Variants in E2F1 observed in about 807,000 individuals in gnomAD.
E2F1 encodes the protein transcription factor E2F1.
E2F1 carries 7 observed loss-of-function variants against 36.9 expected under a neutral mutation model. That is an observed-to-expected ratio of 0.19 (90% CI 0.11 to 0.36). The LOEUF (loss-of-function observed/expected upper bound fraction) is 0.36, where lower values mean the gene tolerates loss of function less well. Ranked by LOEUF, E2F1 falls within the 10% of genes least tolerant of loss-of-function variation. The probability of loss-of-function intolerance (pLI) is 1.00; values close to 1 mark genes in which losing one functional copy is unlikely to be tolerated. For synonymous variants in E2F1, 261 were observed against 263.1 expected, an observed-to-expected ratio of 0.99 and a Z score of 0.08; for missense variants, 406 against 573.6, an observed-to-expected ratio of 0.71 and a Z score of 2.99.
At chr20:33,682,137 T>C (rs1397470720) in intron 1 of E2F1, among the ~76,000 whole-genome samples, 1 of 152,196 alleles carries the variant, frequency 6.6e-6, no homozygotes, top group Non-Finnish European at 1.5e-5. Context: ...TGCAGATGTA[T>C]CTATCTCACC....
At chr20:33,677,395 C>T in intron 5 of E2F1, 31 bp downstream of exon 5, 1 of 1,611,222 alleles carries the variant, frequency 6.2e-7, no homozygotes, top group South Asian at 1.1e-5. Flanking sequence ...CCCAGCCCAG[C>T]CCAGTTGGGC....
Position 33,677,199 on chromosome 20 carries a change from G to A in E2F1, c.972C>T (p.Ala324=). The A allele has an allele frequency of 6.2e-7, 1 of 1,614,174 alleles. No homozygotes were observed. The highest frequency in any genetic ancestry group is 8.5e-7 in the Non-Finnish European group (1 of 1,180,008). Residue 324 remains alanine, a synonymous_variant, in exon 6 of 7, where the codon GCC becomes GCT. Coordinates refer to ENST00000343380, the MANE Select transcript of E2F1 (RefSeq NM_005225.3). Reference sequence around the variant, plus strand: ...GTGACACTATGGTGGCAGAGTCAGTGGCCCTGTTCTCCTCCTCAGAAGTGA... The same window carrying A: ...GTGACACTATGGTGGCAGAGTCAGTAGCCCTGTTCTCCTCCTCAGAAGTGA... ...QEVTSEEENR[A]TDSATIVSPP... is the part of the protein sequence containing the mutation.
rs2017946944 is a variant in E2F1, at chr20:33,676,021, C to T, written c.*711G>A. The stretch of plus-strand genomic sequence containing the variant: ...CTCACTTTCCCAATAAATAAATCAC[C>T]CAGGCCTCAGTTCCTTCAGTATGGG... On this transcript the variant is annotated 3_prime_UTR_variant, in exon 7 of 7. Coordinates refer to ENST00000343380, the MANE Select transcript of E2F1 (RefSeq NM_005225.3). 6.6e-6 allele frequency: 1 copy of T among 152,632 alleles called. No individual in the cohort carries two copies. 9.5% of individuals were successfully genotyped at this position (152,632 alleles called of 1,614,324 possible).
chr20:33,685,764 G>A (rs1444218690), intron 1 of E2F1, among the ~76,000 whole-genome samples: 1 of 152,206 alleles, frequency 6.6e-6, no homozygotes, highest in Non-Finnish European at 1.5e-5. Context: ...ACGCTGGGGA[G>A]GCTCCGGTGA....
chr20:33,679,196 G>A lies in E2F1; in HGVS notation c.572+559C>T, dbSNP rs2017996442. On this transcript the variant is annotated intron_variant, in intron 3 of 6. Transcript: ENST00000343380. This position sits in a 1 kb window ranked among gnomAD's most constrained non-coding sequence, Gnocchi z 4.6. ...AAAGGGGCACAAGAGAACCTTCTAG[G>A]GTGTTGAAAATGCTCTTATCTTGAT... Among the ~76,000 whole-genome samples, 1 of 152,204 alleles carries A rather than the reference G, an allele frequency of 6.6e-6. No individual in the cohort carries two copies. Among genetic ancestry groups the A allele is most frequent in the African/African-American group, 2.4e-5 (1 of 41,442 alleles).
At position 33,676,949 on chromosome 20, in the gene E2F1, C is replaced by T. The variant is rs755713339; in HGVS notation, c.1097G>A (p.Arg366Gln). 2.8e-5 allele frequency: 43 copies of T among 1,563,038 alleles called. No individual in the cohort carries two copies. The South Asian group carries it at 3.4e-4, about 12-fold the overall frequency. ...CAGGCGGTCCTCGTCCACGGGAGCC[C>T]GCAGGCTGCCCATCCGGGACAACAG... Reference protein sequence around the residue: ...EPLLSRMGSLRAPVDEDRLSP... With the variant: ...EPLLSRMGSLQAPVDEDRLSP... The change falls in exon 7 of 7, where the codon CGG becomes CAG. Residue 366 changes from arginine to glutamine, a missense_variant. Transcript: ENST00000343380.
At chr20:33,677,006 CG>C in intron 6 of E2F1, 27 bp from the exon 7 acceptor site, 1 of 1,557,278 alleles carries the variant, frequency 6.4e-7, no homozygotes, top group Non-Finnish European at 8.7e-7. Flanking sequence ...CATCACAGGC[CG>C]GGGATGCCCC....
chr20:33,676,560 C>T lies in E2F1; in HGVS notation c.*172G>A. 1 of 981,516 alleles carries T rather than the reference C, an allele frequency of 1.0e-6. No homozygotes were observed. The highest frequency in any genetic ancestry group is 1.4e-6 in the Non-Finnish European group (1 of 694,354). The allele number at this position is 981,516 out of a possible 1,614,324, so 60.8% of individuals were successfully genotyped here. ...ACAGACTCCTTCCCTTCCTGGCTTG[C>T]TCAGCCTCCTAGCGGTAGCCAGACC... is the stretch of plus-strand genomic sequence containing the variant. On this transcript the variant is annotated 3_prime_UTR_variant, in exon 7 of 7. Coordinates refer to ENST00000343380, the MANE Select transcript of E2F1 (RefSeq NM_005225.3).
At chr20:33,684,628 G>A (rs748259763) in intron 1 of E2F1, among the ~76,000 whole-genome samples, 2 of 152,178 alleles carry the variant, frequency 1.3e-5, no homozygotes, top group Non-Finnish European at 1.5e-5. Flanking sequence ...GGGGTTAAAT[G>A]AGTTAATTAA....
intron 1 of E2F1, among the ~76,000 whole-genome samples, chr20:33,682,787 C>T (rs2018029601): frequency 6.6e-6 from 1 of 152,210 alleles, no homozygotes. Context: ...CTTTGTTTAG[C>T]CCCTTGAACA....
At chr20:33,685,898 A>G in intron 1 of E2F1, 106 bp downstream of exon 1, 1 of 1,005,054 alleles carries the variant, frequency 9.9e-7, no homozygotes. Flanking sequence ...GCCTCAGTCA[A>G]CCCCTCCCCC....
chr20:33,676,702 C>T lies in E2F1; in HGVS notation c.*30G>A, dbSNP rs1264123832. On this transcript the variant is annotated 3_prime_UTR_variant, in exon 7 of 7. Coordinates refer to ENST00000343380, the MANE Select transcript of E2F1 (RefSeq NM_005225.3). The stretch of plus-strand genomic sequence containing the variant: ...AGGGCTGCAGAGACAAGGTGAGCAT[C>T]TCTGGAAACCCTGGTCCCTCCAAGC... The T allele has an allele frequency of 6.4e-7, 1 of 1,572,164 alleles. No homozygotes were observed. The highest frequency in any genetic ancestry group is 1.4e-5 in the African/African-American group (1 of 73,648).
Position 33,676,980 on chromosome 20 carries a change from C to A in E2F1, c.1067-1G>T. The A allele has an allele frequency of 6.4e-7, 1 of 1,563,322 alleles. No individual in the cohort carries two copies. The highest frequency in any genetic ancestry group is 1.8e-5 in the Admixed American group (1 of 54,246). ...CTGCCCATCCGGGACAACAGCGGTTCTGGGGAGACGGGGAGCATCACAGGC... is the reference window on the plus strand; with the variant it reads ...CTGCCCATCCGGGACAACAGCGGTTATGGGGAGACGGGGAGCATCACAGGC... On this transcript the variant is annotated splice_acceptor_variant, in intron 6 of 6. Coordinates refer to ENST00000343380, the MANE Select transcript of E2F1 (RefSeq NM_005225.3). LOFTEE classifies it high-confidence loss of function.
chr20:33,683,913 C>T (rs944164135), intron 1 of E2F1, among the ~76,000 whole-genome samples: 2 of 152,182 alleles, frequency 1.3e-5, no homozygotes, highest in Non-Finnish European at 2.9e-5. Context: ...ATACAGAATG[C>T]CTGCTGGTAT....
chr20:33,678,941 A>C (rs1261732479), intron 3 of E2F1, among the ~76,000 whole-genome samples: 5 of 152,280 alleles, frequency 3.3e-5, no homozygotes. Context: ...ACCCTGTCTC[A>C]AACCACCCCC....
rs2018003251 is a variant in E2F1 at position 33,679,956 on chromosome 20, T to TC, written c.370dup (p.Glu124GlyfsTer6). On this transcript the variant is annotated frameshift_variant, in exon 3 of 7. Coordinates refer to ENST00000343380, the MANE Select transcript of E2F1 (RefSeq NM_005225.3). LOFTEE classifies it high-confidence loss of function. The surrounding 1 kb of genome is among the most constrained non-coding windows in gnomAD (Gnocchi z 4.6). ...CAGTGAGGTCTCATAGCGTGACTTCTCCCCCGGGGATTTCACACCTGTGGG... is the reference window on the plus strand; with the variant it reads ...CAGTGAGGTCTCATAGCGTGACTTCTCCCCCCGGGGATTTCACACCTGTGGG... 6.2e-7 allele frequency: 1 copy of TC among 1,613,828 alleles called. No homozygotes were observed. Among genetic ancestry groups the TC allele is most frequent in the Non-Finnish European group, 8.5e-7 (1 of 1,179,872 alleles).
In E2F1 at chr20:33,686,172, C is replaced by G; in HGVS notation, c.93G>C (p.Ser31=). 1 of 1,052,582 alleles carries G rather than the reference C, an allele frequency of 9.5e-7. No homozygotes were observed. Among genetic ancestry groups the G allele is most frequent in the Non-Finnish European group, 1.1e-6 (1 of 874,678 alleles). 65.2% of individuals were successfully genotyped at this position (1,052,582 alleles called of 1,614,324 possible). The change falls in exon 1 of 7, where the codon TCG becomes TCC. Residue 31 remains serine, a synonymous_variant. Transcript: ENST00000343380. ...GCGCGGCGGAGATGATGACGATCTG[C>G]GAGGAGTCGAGCAGCCGCAGCGCGC... is the stretch of plus-strand genomic sequence containing the variant. ...GAGALRLLDS[S]QIVIISAAQD...
At chr20:33,682,914 A>G (rs547983625) in intron 1 of E2F1, among the ~76,000 whole-genome samples, 1 of 152,348 alleles carries the variant, frequency 6.6e-6, no homozygotes, top group South Asian at 2.1e-4. Context: ...TAAAAAGCTC[A>G]TGAAACTTTT....
In E2F1 at chr20:33,679,109, C is replaced by T. The variant is rs1034575993; in HGVS notation, c.572+646G>A. On this transcript the variant is annotated intron_variant, in intron 3 of 6. Coordinates refer to ENST00000343380, the MANE Select transcript of E2F1 (RefSeq NM_005225.3). This position sits in a 1 kb window ranked among gnomAD's most constrained non-coding sequence, Gnocchi z 4.6. ...AAATATCTATGCCAGACAGATCTCA[C>T]CGAGGGCATGAGAAGCCAGGATAGT... 2.6e-5 allele frequency among the ~76,000 whole-genome samples: 4 copies of T among 152,210 alleles called. No homozygotes were observed. Among genetic ancestry groups the T allele is most frequent in the Non-Finnish European group, 4.4e-5 (3 of 68,048 alleles).
Sources: gnomAD v4.1 joint callset for allele counts (sites outside exome capture counted in the v4.1 genomes callset) on GRCh38, gnomAD v4.1.1 for gene constraint, Gnocchi (gnomAD v3.1) non-coding constraint, MANE v1.5 for transcripts, NCBI Gene and HGNC (gene_info 2026-07-23, HGNC 2026-07-21) for gene names.